ACOT1: variants seen among roughly 807,000 people sequenced by gnomAD.
ACOT1 encodes acyl-coenzyme A thioesterase 1.
A neutral mutation model predicts 15.7 loss-of-function variants in ACOT1; 8 were observed. The observed-to-expected ratio is 0.51, with a 90% CI of 0.30 to 0.92. The LOEUF (loss-of-function observed/expected upper bound fraction) is 0.92. Ranked by LOEUF, ACOT1 falls within the 40% of genes least tolerant of loss-of-function variation. The pLI is 0.06. For missense variants in ACOT1, 151 were observed against 539.4 expected, an observed-to-expected ratio of 0.28 and a Z score of 7.13; for synonymous variants, 67 against 241.2, an observed-to-expected ratio of 0.28 and a Z score of 6.69.
the ACOT1 span, among the ~76,000 whole-genome samples, chr14:73,504,980 GGAGTGCAGTGGCAC>G: frequency 6.6e-6 from 1 of 151,966 alleles, no homozygotes; most frequent in Non-Finnish European, 1.5e-5. Context: ...CGCCCAGGCT[GGAGTGCAGTGGCAC>G]GATCTTGGCT....
the ACOT1 span, among the ~76,000 whole-genome samples, chr14:73,505,465 C>T: frequency 3.1e-3 from 467 of 151,230 alleles, 5 homozygotes; most frequent in African/African-American, 0.011. Context: ...GGTGCGATCT[C>T]GGCTCACTGC....
chr14:73,524,222 G>C, the ACOT1 span, among the ~76,000 whole-genome samples: 1 of 148,848 alleles, frequency 6.7e-6, no homozygotes, highest in Non-Finnish European at 1.5e-5. Flanking sequence ...AACCCAGGGT[G>C]GGGGAGATTG....
intron 1 of ACOT1, among the ~76,000 whole-genome samples, chr14:73,540,405 T>C (rs1227766190): frequency 8.9e-6 from 1 of 112,684 alleles, no homozygotes; most frequent in Non-Finnish European, 1.9e-5. Context: ...GCTAGAAGAA[T>C]CAACATCTAT....
the ACOT1 span, chr14:73,518,994 C>A: frequency 1.3e-6 from 2 of 1,597,036 alleles, no homozygotes; most frequent in Non-Finnish European, 1.7e-6. Flanking sequence ...GTTATTAACC[C>A]CTGCCTTCCC....
At chr14:73,504,302 G>A in the ACOT1 span, among the ~76,000 whole-genome samples, 85 of 151,820 alleles carry the variant, frequency 5.6e-4, no homozygotes, top group African/African-American at 2.0e-3. Flanking sequence ...GGGCGCAGTG[G>A]TGCGATCTCA....
chr14:73,535,651 G>GT (rs1225297209), upstream of ACOT1, among the ~76,000 whole-genome samples: 29 of 108,656 alleles, frequency 2.7e-4, 6 homozygotes, highest in African/African-American at 7.1e-4. Flanking sequence ...TGTATTTTTG[G>GT]TTTTTTTTTA....
chr14:73,493,310 A>G, the ACOT1 span: 2 of 573,352 alleles, frequency 3.5e-6, no homozygotes, highest in East Asian at 2.9e-5. Context: ...GTTCTTTTTC[A>G]TGGGCGGGTC....
At chr14:73,491,359 C>T in the ACOT1 span, 441 of 1,361,056 alleles carry the variant, frequency 3.2e-4, 4 homozygotes, top group East Asian at 8.3e-3. Context: ...CCGCGCGCTC[C>T]CTGCAGACCC....
chr14:73,491,762 T>A, the ACOT1 span: 1 of 1,565,206 alleles, frequency 6.4e-7, no homozygotes, highest in Non-Finnish European at 8.7e-7. Context: ...TGACCTGGAT[T>A]CGATGCTGCG....
At chr14:73,523,661 G>A in the ACOT1 span, among the ~76,000 whole-genome samples, 38 of 152,118 alleles carry the variant, frequency 2.5e-4, no homozygotes, top group Non-Finnish European at 4.1e-4. Flanking sequence ...GCTGTTCTCT[G>A]AGTATCCTCT....
At chr14:73,491,901 C>A in the ACOT1 span, 1 of 1,612,172 alleles carries the variant, frequency 6.2e-7, no homozygotes, top group Non-Finnish European at 8.5e-7. Flanking sequence ...GCCGGCTGCT[C>A]CCTGCGTCTC....
the ACOT1 span, among the ~76,000 whole-genome samples, chr14:73,518,023 T>C: frequency 0.11 from 16,568 of 151,878 alleles, 1,328 homozygotes; most frequent in Non-Finnish European, 0.16. Context: ...GAGGCGGAGG[T>C]TGCAGTGAGC....
At chr14:73,520,877 G>A in the ACOT1 span, 1 of 1,614,066 alleles carries the variant, frequency 6.2e-7, no homozygotes, top group Non-Finnish European at 8.5e-7. Flanking sequence ...GTTCAAAGGT[G>A]TTGTCTGTGG....
the ACOT1 span, chr14:73,512,005 C>T: frequency 1.2e-6 from 2 of 1,613,912 alleles, no homozygotes; most frequent in Non-Finnish European, 1.7e-6. Context: ...TTGGCTCTCA[C>T]CTGAGTCTCT....
chr14:73,509,809 CCCATATATATATATATATAT>C, the ACOT1 span, among the ~76,000 whole-genome samples: 24 of 5,192 alleles, frequency 4.6e-3, 1 homozygote, highest in Non-Finnish European at 5.3e-3. Context: ...GCCCCATGAG[CCCATATATATATATATATAT>C]ATATATATAT....
In ACOT1 at chr14:73,537,665, T is replaced by C; in HGVS notation, c.244T>C (p.Trp82Arg). 2 of 1,242,710 alleles carry C rather than the reference T, an allele frequency of 1.6e-6. 1 individual carries two copies. The highest frequency in any genetic ancestry group is 2.1e-6 in the Non-Finnish European group (2 of 938,204). The allele number at this position is 1,242,710 out of a possible 1,614,324, so 77.0% of individuals were successfully genotyped here. Residue 82 changes from tryptophan to arginine, a missense_variant, in exon 1 of 3, where the codon TGG becomes CGG. Transcript: ENST00000311148. The part of the protein sequence containing the change: ...FAGLEPMGLL[W>R]ALEPEKPLVR... ...GGGGCTTGAGCCCATGGGGCTGCTC[T>C]GGGCCTTGGAGCCCGAGAAACCCTT...
At chr14:73,501,013 T>C in the ACOT1 span, among the ~76,000 whole-genome samples, 2 of 152,246 alleles carry the variant, frequency 1.3e-5, no homozygotes, top group Non-Finnish European at 1.5e-5. Context: ...CACAGTCAAG[T>C]TCTCTTCTCC....
At chr14:73,492,487 CTT>C in the ACOT1 span, 5 of 1,613,764 alleles carry the variant, frequency 3.1e-6, no homozygotes, top group Non-Finnish European at 4.2e-6. This position sits in a 1 kb window ranked among gnomAD's most constrained non-coding sequence, Gnocchi z 4.9. Flanking sequence ...GCCTGGGACA[CTT>C]TGCTCCTGTT....
the ACOT1 span, chr14:73,530,575 A>C: frequency 8.2e-6 from 1 of 122,280 alleles, no homozygotes; most frequent in Non-Finnish European, 1.8e-5. Flanking sequence ...ACACAGCTAT[A>C]CAGCTGTCTC....
Sources: gnomAD v4.1 joint callset for allele counts (sites outside exome capture counted in the v4.1 genomes callset) on GRCh38, gnomAD v4.1.1 for gene constraint, Gnocchi (gnomAD v3.1) non-coding constraint, MANE v1.5 for transcripts, NCBI Gene and HGNC (gene_info 2026-07-23, HGNC 2026-07-21) for gene names.